The following UTRN variants were observed in gnomAD, a reference collection of about 807,000 sequenced individuals.
The protein encoded by UTRN is dystrophin-related protein 1.
UTRN carries 283 observed loss-of-function variants against 463.9 expected under a neutral mutation model. That is an observed-to-expected ratio of 0.61 (90% confidence interval 0.55 to 0.67). The LOEUF is 0.67. UTRN is among the 30% of genes least tolerant of loss of function. The pLI is 0.00. For synonymous variants in UTRN, 1,442 were observed against 1,431.5 expected (o/e 1.01, Z -0.17); for missense variants, 3,922 against 4,084.3 (o/e 0.96, Z 1.08).
chr6:144,454,486 C>A (rs929845563), intron 19 of UTRN, among the ~76,000 whole-genome samples: 2 of 152,010 alleles, frequency 1.3e-5, no homozygotes, highest in African/African-American at 4.8e-5. Flanking sequence ...TGTTGAAAGA[C>A]ATTTCTTGCA....
chr6:144,757,614 G>A (rs955324469), intron 57 of UTRN, among the ~76,000 whole-genome samples: 2 of 152,024 alleles, frequency 1.3e-5, no homozygotes, highest in African/African-American at 4.8e-5. Context: ...TATATATGGA[G>A]TACAGTTTCC....
chr6:144,837,399 G>A (rs1781191795), intron 71 of UTRN, among the ~76,000 whole-genome samples: 1 of 152,208 alleles, frequency 6.6e-6, no homozygotes, highest in Non-Finnish European at 1.5e-5. Context: ...GTGCTTGATG[G>A]CACATAGTAG....
At chr6:144,566,448 T>C (rs1372110305) in intron 50 of UTRN, among the ~76,000 whole-genome samples, 1 of 152,106 alleles carries the variant, frequency 6.6e-6, no homozygotes, top group Non-Finnish European at 1.5e-5. Flanking sequence ...TGAAGAAGAA[T>C]GCAGATGGAA....
At chr6:144,340,977 T>C (rs371779291) in intron 2 of UTRN, among the ~76,000 whole-genome samples, 1 of 152,370 alleles carries the variant, frequency 6.6e-6, no homozygotes, top group East Asian at 1.9e-4. Flanking sequence ...TTTTCCTACA[T>C]AGAATCTAGT....
intron 65 of UTRN, among the ~76,000 whole-genome samples, chr6:144,813,013 C>A (rs936524255): frequency 2.0e-5 from 3 of 152,108 alleles, no homozygotes; most frequent in African/African-American, 7.2e-5. Flanking sequence ...CACAGTGAGT[C>A]ACTGTCATTA....
intron 53 of UTRN, among the ~76,000 whole-genome samples, chr6:144,704,741 A>C (rs1428597746): frequency 1.3e-5 from 2 of 152,128 alleles, no homozygotes; most frequent in Non-Finnish European, 2.9e-5. Flanking sequence ...AGGCAGGCGG[A>C]TCATGAGGTC....
chr6:144,654,761 A>G (rs1177281135), intron 51 of UTRN, among the ~76,000 whole-genome samples: 1 of 152,224 alleles, frequency 6.6e-6, no homozygotes, highest in Admixed American at 6.5e-5. Flanking sequence ...ATGGTTTGGA[A>G]GCATTAACTT....
chr6:144,723,712 A>T (rs890050990), intron 53 of UTRN, among the ~76,000 whole-genome samples: 2 of 152,154 alleles, frequency 1.3e-5, no homozygotes, highest in African/African-American at 4.8e-5. Context: ...TAGAAAAGAA[A>T]CAAATTAGGC....
chr6:144,773,815 G>A (rs2128734359), intron 59 of UTRN, among the ~76,000 whole-genome samples: 2 of 152,360 alleles, frequency 1.3e-5, no homozygotes, highest in Middle Eastern at 3.4e-3. Flanking sequence ...CTTCAGGAGA[G>A]AAGGGAGAAG....
intron 2 of UTRN, among the ~76,000 whole-genome samples, chr6:144,381,458 C>T (rs973667304): frequency 2.6e-5 from 4 of 152,136 alleles, no homozygotes; most frequent in Non-Finnish European, 5.9e-5. Context: ...GTCTTTGTTA[C>T]TGTGCTGCAA....
At chr6:144,689,258 G>A (rs1320020784) in intron 52 of UTRN, among the ~76,000 whole-genome samples, 3 of 152,186 alleles carry the variant, frequency 2.0e-5, no homozygotes, top group Admixed American at 6.5e-5. Flanking sequence ...TGTGGGAGCA[G>A]CCCCAGGTGT....
At chr6:144,324,058 C>G (rs1375927557) in intron 2 of UTRN, among the ~76,000 whole-genome samples, 1 of 152,202 alleles carries the variant, frequency 6.6e-6, no homozygotes, top group Non-Finnish European at 1.5e-5. Context: ...AACTTGGAGG[C>G]AGACCTTTAG....
chr6:144,557,369 T>A, intron 50 of UTRN, 58 bp downstream of exon 50: 1 of 1,549,190 alleles, frequency 6.5e-7, no homozygotes. Context: ...TTTGATGGCT[T>A]TGGCTTTCTC....
chr6:144,519,268 G>T (rs1456618455), intron 39 of UTRN, among the ~76,000 whole-genome samples: 1 of 151,956 alleles, frequency 6.6e-6, no homozygotes, highest in African/African-American at 2.4e-5. Context: ...TTAGCCACAG[G>T]TGACTATGTT....
At chr6:144,570,868 A>G (rs925384092) in intron 50 of UTRN, among the ~76,000 whole-genome samples, 1 of 152,200 alleles carries the variant, frequency 6.6e-6, no homozygotes, top group African/African-American at 2.4e-5. Context: ...CTGTCATATA[A>G]GAAGAATCAT....
At chr6:144,308,757 C>T (rs930960435) in intron 2 of UTRN, among the ~76,000 whole-genome samples, 3 of 152,230 alleles carry the variant, frequency 2.0e-5, no homozygotes, top group Admixed American at 6.5e-5. Context: ...CTTCTCTCTT[C>T]TGCATCCCTA....
intron 31 of UTRN, 27 bp downstream of exon 31, chr6:144,490,226 A>C: frequency 6.4e-7 from 1 of 1,572,426 alleles, no homozygotes; most frequent in Non-Finnish European, 8.6e-7. Context: ...GCTTCCTTTT[A>C]CTTTTCAACT....
At chr6:144,631,434 T>G (rs921865598) in intron 51 of UTRN, among the ~76,000 whole-genome samples, 25 of 152,222 alleles carry the variant, frequency 1.6e-4, no homozygotes, top group African/African-American at 5.8e-4. Flanking sequence ...GGAAAGAAGT[T>G]TTAGTTTAGA....
rs766641364 is a variant in UTRN, at chr6:144,546,966, C to T, written c.6596-1674C>T. Among the ~76,000 whole-genome samples the T allele has an allele frequency of 3.9e-4, 59 of 152,312 alleles. 1 individual carries two copies. The highest frequency in any genetic ancestry group is 3.4e-3 in the Middle Eastern group (1 of 294). On this transcript the variant is annotated intron_variant, in intron 46 of 74. Transcript: ENST00000367545. ...TCTTATTTCTGCTTCTGCATTTGGT[C>T]TCTTGTGATGTCACGTTATGTAGAC...
Sources: allele counts gnomAD v4.1 joint callset (sites outside exome capture counted in the v4.1 genomes callset), GRCh38; gene constraint gnomAD v4.1.1; transcripts MANE v1.5; gene names NCBI Gene and HGNC (gene_info 2026-07-23, HGNC 2026-07-21).